Variants in ZNF385D observed in about 807,000 individuals in gnomAD.
ZNF385D encodes the protein zinc finger protein 385D.
ZNF385D carries 15 observed loss-of-function variants against 35.8 expected under a neutral mutation model. The ratio of observed to expected loss-of-function variants is 0.42; its 90% CI spans 0.28 to 0.64. The LOEUF is 0.64. ZNF385D is among the 30% of genes least tolerant of loss of function. The pLI is 0.23. For missense variants in ZNF385D, 474 were observed against 494.6 expected, an observed-to-expected ratio of 0.96 and a Z score of 0.39; for synonymous variants, 212 against 186.8, an observed-to-expected ratio of 1.13 and a Z score of -1.10.
chr3:22,035,845 C>A (rs1490931090), intron 3 of ZNF385D, among the ~76,000 whole-genome samples: 3 of 152,106 alleles, frequency 2.0e-5, no homozygotes, highest in Admixed American at 2.0e-4. Context: ...TATTGTGGAT[C>A]TTGTTATGAG....
chr3:22,282,500 T>C (rs1701808968), intron 2 of ZNF385D, among the ~76,000 whole-genome samples: 1 of 152,126 alleles, frequency 6.6e-6, no homozygotes, highest in African/African-American at 2.4e-5. Context: ...CAAAGATCAT[T>C]CAGGAGCAGG....
At chr3:21,796,970 G>A (rs904951275) in intron 3 of ZNF385D, among the ~76,000 whole-genome samples, 5 of 152,150 alleles carry the variant, frequency 3.3e-5, no homozygotes, top group Non-Finnish European at 7.3e-5. Flanking sequence ...CTCTTGGAGT[G>A]GGTGGCATGA....
intron 3 of ZNF385D, among the ~76,000 whole-genome samples, chr3:22,149,056 G>C (rs1200817282): frequency 6.6e-6 from 1 of 152,080 alleles, no homozygotes; most frequent in African/African-American, 2.4e-5. Flanking sequence ...ATCAAACTGT[G>C]ATCCCAGGAC....
At chr3:21,824,207 A>C (rs1431708388) in intron 3 of ZNF385D, among the ~76,000 whole-genome samples, 2 of 152,204 alleles carry the variant, frequency 1.3e-5, no homozygotes, top group African/African-American at 4.8e-5. Context: ...CTTCTGAGCA[A>C]AACAGTGAAG....
rs564037085 is a variant in ZNF385D, at chr3:22,359,074, C to CA, written c.106+13375dup. On this transcript the variant is annotated intron_variant, in intron 2 of 5. Transcript: ENST00000494108. ...CAAACAAACAAACAAACAAAAAAAC[C>CA]AAAAAAAAAAACAAAAAACAAGAAA... Among the ~76,000 whole-genome samples the CA allele has an allele frequency of 6.4e-3, 782 of 122,846 alleles. 8 individuals carry two copies. Among genetic ancestry groups the CA allele is most frequent in the South Asian group, 0.034 (137 of 4,008 alleles). The allele number at this position is 122,846 out of a possible 152,430, so 80.6% of individuals were successfully genotyped here. A position where few individuals can be genotyped will look rare whatever the true frequency, so the allele number is the denominator to read the frequency against.
At chr3:22,325,811 T>C (rs986725663) in intron 2 of ZNF385D, among the ~76,000 whole-genome samples, 1 of 150,140 alleles carries the variant, frequency 6.7e-6, no homozygotes, top group Non-Finnish European at 1.5e-5. Context: ...TTGGGTATCA[T>C]GAGGGAACAA....
In ZNF385D at chr3:21,564,887, A is replaced by AATG. The variant is rs1224698823; in HGVS notation, c.166-206_166-204dup. Among the ~76,000 whole-genome samples, 7 of 152,306 alleles carry AATG rather than the reference A, an allele frequency of 4.6e-5. No individual in the cohort carries two copies. In the East Asian group the frequency reaches 7.7e-4, roughly 17 times the overall value. ...AGCCCAAAGCTCAGTATGATAAGGA[A>AATG]ATGATAAATTTACCCATTAGAGTCT... On this transcript the variant is annotated intron_variant, in intron 2 of 7. Coordinates refer to ENST00000281523, the MANE Select transcript of ZNF385D (RefSeq NM_024697.3).
Position 22,328,452 on chromosome 3 carries a change from T to C in ZNF385D, c.106+43998A>G, listed in dbSNP as rs573595216. On this transcript the variant is annotated intron_variant, in intron 2 of 5. Transcript: ENST00000494108. Reference sequence around the variant, plus strand: ...ATTACCATATTTTATTACTTTTACCTAACTTTACATATTTTAAAATAAAAA... The same window carrying C: ...ATTACCATATTTTATTACTTTTACCCAACTTTACATATTTTAAAATAAAAA... Among the ~76,000 whole-genome samples, 8 of 152,276 alleles carry C rather than the reference T, an allele frequency of 5.3e-5. No homozygotes were observed. The East Asian group carries it at 1.5e-3, about 29-fold the overall frequency.
intron 2 of ZNF385D, among the ~76,000 whole-genome samples, chr3:22,312,187 G>A (rs1703596405): frequency 6.6e-6 from 1 of 152,106 alleles, no homozygotes; most frequent in African/African-American, 2.4e-5. Flanking sequence ...CGTTTGGCTT[G>A]TGCCGATACT....
chr3:22,029,651 CCT>C (rs1261422158), intron 3 of ZNF385D, among the ~76,000 whole-genome samples: 1 of 152,122 alleles, frequency 6.6e-6, no homozygotes, highest in African/African-American at 2.4e-5. Context: ...CCTTTTATTT[CCT>C]TTTTCTTTAT....
chr3:21,956,189 G>T (rs527615925), intron 3 of ZNF385D, among the ~76,000 whole-genome samples: 1 of 149,940 alleles, frequency 6.7e-6, no homozygotes, highest in Non-Finnish European at 1.5e-5. Flanking sequence ...TATGTCTCAG[G>T]AAACAAACAA....
chr3:22,089,034 G>T (rs9832978), intron 3 of ZNF385D, among the ~76,000 whole-genome samples: 2,356 of 152,202 alleles, frequency 0.015, 61 homozygotes, highest in African/African-American at 0.053. Flanking sequence ...TACCCAGGAG[G>T]TAGGGATCAT....
At chr3:21,745,969 T>C (rs1339433177) in intron 1 of ZNF385D, among the ~76,000 whole-genome samples, 2 of 152,240 alleles carry the variant, frequency 1.3e-5, no homozygotes, top group East Asian at 3.8e-4. Flanking sequence ...TTTCAAATGA[T>C]GTGAAAAGAT....
chr3:21,423,866 T>TG (rs1700860605), intron 7 of ZNF385D, 97 bp downstream of exon 7: 3 of 1,117,702 alleles, frequency 2.7e-6, no homozygotes, highest in Non-Finnish European at 3.9e-6. Context: ...TAAAAGGTAC[T>TG]GGGCTGTGGT....
rs370437204 is a variant in ZNF385D at position 21,555,952 on chromosome 3, T to C, written c.276+8622A>G. ...TCATTGTGGTTTTGATTTGCATTTC[T>C]CTAGTGACCAGTGATGATGAGCTTT... On this transcript the variant is annotated intron_variant, in intron 3 of 7. Coordinates refer to ENST00000281523, the MANE Select transcript of ZNF385D (RefSeq NM_024697.3). Among the ~76,000 whole-genome samples, 7 of 152,314 alleles carry C rather than the reference T, an allele frequency of 4.6e-5. 1 individual carries two copies. The highest frequency in any genetic ancestry group is 1.7e-4 in the African/African-American group (7 of 41,580).
At chr3:21,529,072 G>T in intron 3 of ZNF385D, among the ~76,000 whole-genome samples, 1 of 152,088 alleles carries the variant, frequency 6.6e-6, no homozygotes, top group Non-Finnish European at 1.5e-5. Context: ...TTTTTTTTGT[G>T]TGTGTGTGGA....
chr3:21,525,684 CAAAAA>C (rs11308733), intron 3 of ZNF385D, among the ~76,000 whole-genome samples: 5 of 88,412 alleles, frequency 5.7e-5, no homozygotes, highest in Admixed American at 1.3e-4. Context: ...AATTCCATCT[CAAAAA>C]AAAAAAAAAA....
chr3:21,900,140 T>C (rs1018472441), intron 3 of ZNF385D, among the ~76,000 whole-genome samples: 5 of 152,120 alleles, frequency 3.3e-5, no homozygotes, highest in Admixed American at 6.6e-5. Flanking sequence ...ATCAAAGATA[T>C]GCCAATTAAA....
In ZNF385D at chr3:22,106,802, A is replaced by G. The variant is rs17593897; in HGVS notation, c.325+62015T>C. The stretch of plus-strand genomic sequence containing the variant: ...CTACCTAATGCGGAGAAGCCTGACA[A>G]TCTTGGATCAGTATCAGCATAGGTT... On this transcript the variant is annotated intron_variant, in intron 3 of 5. Transcript: ENST00000494108. Among the ~76,000 whole-genome samples, 723 of 152,192 alleles carry G rather than the reference A, an allele frequency of 4.8e-3. 5 individuals carry two copies. The highest frequency in any genetic ancestry group is 0.01 in the Middle Eastern group (3 of 294).
Sources: allele counts gnomAD v4.1 joint callset (sites outside exome capture counted in the v4.1 genomes callset), GRCh38; gene constraint gnomAD v4.1.1; transcripts MANE v1.5; gene names NCBI Gene and HGNC (gene_info 2026-07-23, HGNC 2026-07-21).